The following NEB variants were observed in gnomAD, a reference collection of about 807,000 sequenced individuals.
NEB encodes nemaline myopathy type 2.
Under a neutral mutation model 952.2 loss-of-function variants are expected in NEB, and 512 were observed. The ratio of observed to expected loss-of-function variants is 0.54; its 90% CI spans 0.50 to 0.58. NEB has a LOEUF of 0.58. Among genes scored for constraint, NEB ranks in the 20% least tolerant of loss-of-function variants. The probability of loss-of-function intolerance (pLI) is 0.00; values close to 1 mark genes in which losing one functional copy is unlikely to be tolerated. For missense variants in NEB, 8,428 were observed against 9,231.1 expected (o/e 0.91, Z 3.56); for synonymous variants, 2,900 against 3,149.8 (o/e 0.92, Z 2.66).
chr2:151,684,897 T>C lies in NEB; in HGVS notation c.2716A>G (p.Lys906Glu), dbSNP rs778504182. Residue 906 changes from lysine to glutamate, a missense_variant, in exon 28 of 182, where the codon AAG becomes GAG. Lys to Glu is a moderately conservative substitution (Grantham distance 56). Transcript: ENST00000397345. Reference protein sequence around the residue: ...PLDMLQVTQAKKSQAIASDVD... With the variant: ...PLDMLQVTQAEKSQAIASDVD... ...TCGCTGGCAATTGCCTGAGATTTCT[T>C]AGCTTGAGTGACTTGGAGCATATCA... The C allele has an allele frequency of 2.5e-6, 4 of 1,613,338 alleles. No individual in the cohort carries two copies. The Admixed American group carries it at 5.0e-5, about 20-fold the overall frequency.
chr2:151,718,497 C>T (rs1415397344), intron 9 of NEB, among the ~76,000 whole-genome samples: 3 of 152,150 alleles, frequency 2.0e-5, no homozygotes, highest in African/African-American at 7.2e-5. Flanking sequence ...TGTCCTTAAG[C>T]CCACAATCAA....
chr2:151,636,385 G>A, intron 63 of NEB, 51 bp from the exon 64 acceptor site: 2 of 1,389,772 alleles, frequency 1.4e-6, no homozygotes, highest in South Asian at 2.4e-5. Context: ...TCTAAAAACT[G>A]ACAGAGGACT....
At position 151,500,425 on chromosome 2, in the gene NEB, C is replaced by G. The variant is rs111462227; in HGVS notation, c.24021+966G>C. On this transcript the variant is annotated intron_variant, in intron 168 of 181. Transcript: ENST00000397345. Reference sequence around the variant, plus strand: ...AGAAGCTTCAGAGTTGTATATAATACACAAATAATTTGTGTGTTAGAGTTT... The same window carrying G: ...AGAAGCTTCAGAGTTGTATATAATAGACAAATAATTTGTGTGTTAGAGTTT... Among the ~76,000 whole-genome samples, 124 of 151,046 alleles carry G rather than the reference C, an allele frequency of 8.2e-4. 1 individual carries two copies. The highest frequency in any genetic ancestry group is 2.9e-3 in the African/African-American group (121 of 41,224).
chr2:151,614,525 C>T lies in NEB; in HGVS notation c.11352G>A (p.Lys3784=). The change falls in exon 77 of 182, where the codon AAG becomes AAA. Residue 3784 remains lysine (K), a synonymous_variant. Transcript: ENST00000397345. ...TGGACCACATCATCTTCGGGTCATCCTTAATGTTCCGGGCCCCAATATGGT... is the reference window on the plus strand; with the variant it reads ...TGGACCACATCATCTTCGGGTCATCTTTAATGTTCCGGGCCCCAATATGGT... The part of the protein sequence containing the change: ...LGHHIGARNI[K]DDPKMMWSIH... The T allele has an allele frequency of 6.2e-7, 1 of 1,613,874 alleles. No homozygotes were observed. The highest frequency in any genetic ancestry group is 8.5e-7 in the Non-Finnish European group (1 of 1,179,838).
At chr2:151,507,956 G>T in intron 162 of NEB, 49 bp downstream of exon 162, 1 of 1,370,216 alleles carries the variant, frequency 7.3e-7, no homozygotes, top group Non-Finnish European at 1.0e-6. Flanking sequence ...ATCTTCCTCA[G>T]CACCCCTAGG....
chr2:151,505,351 A>G, intron 165 of NEB, 127 bp downstream of exon 165: 1 of 813,518 alleles, frequency 1.2e-6, no homozygotes, highest in Non-Finnish European at 2.0e-6. Context: ...ATCAAGACTA[A>G]GGGAGAATTC....
intron 17 of NEB, among the ~76,000 whole-genome samples, chr2:151,696,371 T>C (rs2099595899): frequency 6.6e-6 from 1 of 152,212 alleles, no homozygotes; most frequent in South Asian, 2.1e-4. Flanking sequence ...GAGCTAACAT[T>C]TGAATGCGGT....
In NEB at chr2:151,673,553, T is replaced by C. The variant is rs753227895; in HGVS notation, c.3988-873A>G. ...TGTGTGCAGACCTCCGAGGAAGATG[T>C]TTTCAGTATCATTCCTACAAGGAAA... On this transcript the variant is annotated intron_variant, in intron 36 of 181. Transcript: ENST00000397345. Among the ~76,000 whole-genome samples the C allele has an allele frequency of 2.4e-4, 37 of 152,100 alleles. 1 individual carries two copies. Among genetic ancestry groups the C allele is most frequent in the Middle Eastern group, 6.8e-3 (2 of 292 alleles).
intron 178 of NEB, 146 bp from the exon 179 acceptor site, chr2:151,491,921 G>A (rs2056916261): frequency 1.0e-6 from 1 of 952,802 alleles, no homozygotes; most frequent in African/African-American, 1.7e-5. Flanking sequence ...CCTCAGAGGA[G>A]AACAAAGATA....
At chr2:151,510,923 G>A (rs1006329461) in intron 161 of NEB, among the ~76,000 whole-genome samples, 4 of 152,190 alleles carry the variant, frequency 2.6e-5, no homozygotes, top group Non-Finnish European at 4.4e-5. Context: ...ATTGGAAATC[G>A]AGAAGCAAGT....
At chr2:151,568,756 T>C (rs1345018079) in intron 110 of NEB, 40 bp from the exon 111 acceptor site, 4 of 1,399,260 alleles carry the variant, frequency 2.9e-6, no homozygotes, top group South Asian at 1.2e-5. Flanking sequence ...TTGTAATTCC[T>C]AGACATGTGT....
Position 151,568,054 on chromosome 2 carries a change from C to T in NEB, c.17844+17G>A, listed in dbSNP as rs1184807932. The T allele has an allele frequency of 6.2e-7, 1 of 1,601,622 alleles. No homozygotes were observed. Among genetic ancestry groups the T allele is most frequent in the Admixed American group, 1.7e-5 (1 of 59,492 alleles). ...GGTCCCACTTTTGCAAAATGCACTC[C>T]CATCAGGATGTATTACCTCACTCTG... is the stretch of plus-strand genomic sequence containing the variant. On this transcript the variant is annotated intron_variant, in intron 113 of 181. Coordinates refer to ENST00000397345, the MANE Select transcript of NEB (RefSeq NM_001164508.2).
At chr2:151,571,075 G>A (rs889832947) in intron 107 of NEB, among the ~76,000 whole-genome samples, 2 of 151,856 alleles carry the variant, frequency 1.3e-5, no homozygotes, top group Non-Finnish European at 2.9e-5. Context: ...GCACCATCTC[G>A]GCTCACCCCA....
intron 125 of NEB, 35 bp downstream of exon 125, chr2:151,554,896 A>T: frequency 7.3e-7 from 1 of 1,377,686 alleles, no homozygotes; most frequent in South Asian, 1.2e-5. Flanking sequence ...CTCAGAATGT[A>T]TCCTAGTCAT....
intron 9 of NEB, among the ~76,000 whole-genome samples, chr2:151,721,578 G>A (rs1043762150): frequency 2.6e-5 from 4 of 152,054 alleles, no homozygotes; most frequent in Non-Finnish European, 5.9e-5. Context: ...TTAGACTGTT[G>A]GGTTTTGTTT....
In NEB at chr2:151,499,582, A is replaced by G. The variant is rs192693221; in HGVS notation, c.24022-192T>C. 5 of 433,578 alleles carry G rather than the reference A, an allele frequency of 1.2e-5. No individual in the cohort carries two copies. The Admixed American group carries it at 1.6e-4, about 14-fold the overall frequency. The allele number at this position is 433,578 out of a possible 1,614,324, so 26.9% of individuals were successfully genotyped here. A position where few individuals can be genotyped will look rare whatever the true frequency, so the allele number is the denominator to read the frequency against. On this transcript the variant is annotated intron_variant, in intron 168 of 181. Transcript: ENST00000397345. ...TATTTCCTTAGTGAAATATCAGTGTATTTGATATTCATCATCTTTTTATTG... is the reference window on the plus strand; with the variant it reads ...TATTTCCTTAGTGAAATATCAGTGTGTTTGATATTCATCATCTTTTTATTG...
chr2:151,678,494 T>C (rs1354798135), intron 32 of NEB, among the ~76,000 whole-genome samples: 1 of 152,222 alleles, frequency 6.6e-6, no homozygotes, highest in Admixed American at 6.5e-5. Flanking sequence ...ATTTAGACAT[T>C]GGTAGAGAAA....
At position 151,546,747 on chromosome 2, in the gene NEB, C is replaced by T. The variant is rs1210507878; in HGVS notation, c.20368-304G>A. On this transcript the variant is annotated intron_variant, in intron 133 of 181. Transcript: ENST00000397345. The stretch of plus-strand genomic sequence containing the variant: ...CTAATTTTTGTATTTTTAGTAGAGA[C>T]AGGGTTTCACCATGTTGGCCAGGCT... Among the ~76,000 whole-genome samples, 3 of 151,838 alleles carry T rather than the reference C, an allele frequency of 2.0e-5. No homozygotes were observed. The East Asian group carries it at 5.8e-4, about 29-fold the overall frequency.
chr2:151,565,195 A>G, intron 116 of NEB, 47 bp from the exon 117 acceptor site: 2 of 1,007,328 alleles, frequency 2.0e-6, no homozygotes, highest in Non-Finnish European at 2.9e-6. Context: ...TGAATATTAA[A>G]TTTTTATAAG....
Sources: gnomAD v4.1 joint callset for allele counts (sites outside exome capture counted in the v4.1 genomes callset) on GRCh38, gnomAD v4.1.1 for gene constraint, MANE v1.5 for transcripts, NCBI Gene and HGNC (gene_info 2026-07-23, HGNC 2026-07-21) for gene names.